The following NYAP2 variants were observed in gnomAD, a reference collection of about 807,000 sequenced individuals.
NYAP2 encodes the protein neuronal tyrosine-phosphorylated phosphoinositide-3-kinase adaptor 2, also known as neuronal tyrosine-phosphorylated phosphoinositide-3-kinase adapter 2.
A neutral mutation model predicts 50.4 loss-of-function variants in NYAP2; 23 were observed. The observed-to-expected ratio is 0.46, with a 90% CI of 0.33 to 0.65. The LOEUF (loss-of-function observed/expected upper bound fraction) is 0.65. Among genes scored for constraint, NYAP2 ranks in the 30% least tolerant of loss-of-function variants. The pLI, the probability that NYAP2 is intolerant of heterozygous loss-of-function variation, is 0.02. For synonymous variants in NYAP2, 394 were observed against 365.2 expected, an observed-to-expected ratio of 1.08 and a Z score of -0.90; for missense variants, 885 against 861.0, an observed-to-expected ratio of 1.03 and a Z score of -0.35.
At chr2:225,431,083 C>T (rs1695359193) in intron 3 of NYAP2, among the ~76,000 whole-genome samples, 1 of 152,184 alleles carries the variant, frequency 6.6e-6, no homozygotes, top group Non-Finnish European at 1.5e-5. Flanking sequence ...TTACATTAAA[C>T]ATGTTCAAAT....
intron 5 of NYAP2, among the ~76,000 whole-genome samples, chr2:225,625,659 T>C (rs1381378948): frequency 6.6e-6 from 1 of 152,032 alleles, no homozygotes; most frequent in Non-Finnish European, 1.5e-5. Flanking sequence ...AGGAAGAACC[T>C]ACAACCAATG....
exon 7 of NYAP2, chr2:225,651,531 G>A: frequency 6.2e-7 from 1 of 1,613,946 alleles, no homozygotes; most frequent in Non-Finnish European, 8.5e-7. Context: ...CTGCAACAGA[G>A]CCAGGTACCA....
At chr2:225,676,769 G>C in the NYAP2 span, among the ~76,000 whole-genome samples, 2 of 152,066 alleles carry the variant, frequency 1.3e-5, no homozygotes, top group Non-Finnish European at 2.9e-5. Context: ...TGGGGACACA[G>C]AGCCAAACTA....
chr2:225,678,199 C>T, the NYAP2 span, among the ~76,000 whole-genome samples: 1 of 152,010 alleles, frequency 6.6e-6, no homozygotes, highest in Non-Finnish European at 1.5e-5. Flanking sequence ...CTAACTTTTA[C>T]ACAGAGGTGC....
At chr2:225,605,808 A>G (rs1692775050) in intron 5 of NYAP2, among the ~76,000 whole-genome samples, 4 of 152,086 alleles carry the variant, frequency 2.6e-5, no homozygotes, top group Non-Finnish European at 5.9e-5. Flanking sequence ...ATTTACTTCT[A>G]CTTTTCTTTT....
chr2:225,436,845 T>C (rs1371729925), intron 3 of NYAP2, among the ~76,000 whole-genome samples: 1 of 151,842 alleles, frequency 6.6e-6, no homozygotes, highest in African/African-American at 2.4e-5. Context: ...TCCCACTGTC[T>C]CTGGCTTTGT....
intron 4 of NYAP2, among the ~76,000 whole-genome samples, chr2:225,572,573 G>T (rs778820301): frequency 6.6e-6 from 1 of 152,164 alleles, no homozygotes; most frequent in Non-Finnish European, 1.5e-5. Context: ...CTTCTCACCG[G>T]TTCCCTCCCA....
At chr2:225,650,194 T>C (rs909226493) in intron 6 of NYAP2, among the ~76,000 whole-genome samples, 7 of 152,096 alleles carry the variant, frequency 4.6e-5, no homozygotes, top group African/African-American at 1.7e-4. Flanking sequence ...TGGAAGGCAA[T>C]TGATGGAAAC....
chr2:225,550,135 G>C (rs145015490), intron 4 of NYAP2, among the ~76,000 whole-genome samples: 1 of 152,120 alleles, frequency 6.6e-6, no homozygotes, highest in Admixed American at 6.6e-5. Context: ...AAAACACAAA[G>C]TATTTTAAAA....
chr2:225,502,015 A>G (rs1690616794), intron 3 of NYAP2, among the ~76,000 whole-genome samples: 2 of 152,208 alleles, frequency 1.3e-5, no homozygotes. Flanking sequence ...CATGTTGTAG[A>G]TGAGAACTGG....
At chr2:225,564,488 T>G (rs892315908) in intron 4 of NYAP2, among the ~76,000 whole-genome samples, 1 of 151,888 alleles carries the variant, frequency 6.6e-6, no homozygotes, top group African/African-American at 2.4e-5. Context: ...ACCATTTTCC[T>G]CATCTGAATA....
intron 3 of NYAP2, among the ~76,000 whole-genome samples, chr2:225,459,032 G>T (rs1689782676): frequency 6.6e-6 from 1 of 152,098 alleles, no homozygotes; most frequent in Non-Finnish European, 1.5e-5. Flanking sequence ...AACAAAAGAT[G>T]CATATTCACC....
intron 6 of NYAP2, among the ~76,000 whole-genome samples, chr2:225,629,907 G>A (rs550330401): frequency 3.2e-4 from 48 of 152,274 alleles, no homozygotes; most frequent in African/African-American, 7.7e-4. Flanking sequence ...ATGAGTTTTC[G>A]TGAGAACAAG....
chr2:225,479,947 G>T (rs548418057), intron 3 of NYAP2, among the ~76,000 whole-genome samples: 1 of 151,900 alleles, frequency 6.6e-6, no homozygotes, highest in South Asian at 2.1e-4. Context: ...AATCCCAAAG[G>T]TGAATATATA....
rs964092040 is a variant in NYAP2 at position 225,651,676 on chromosome 2, G to C, written c.*111G>C. The stretch of plus-strand genomic sequence containing the variant: ...TATGTGTGTATGGGTTAGGGGATGC[G>C]GGGGATGAGTTCTGGCAGTCTGTGT... On this transcript the variant is annotated 3_prime_UTR_variant, in exon 7 of 7. Transcript: ENST00000636099. 3 of 1,116,542 alleles carry C rather than the reference G, an allele frequency of 2.7e-6. No homozygotes were observed. The African/African-American group carries it at 4.7e-5, about 18-fold the overall frequency. The allele number at this position is 1,116,542 out of a possible 1,614,324, so 69.2% of individuals were successfully genotyped here.
chr2:225,625,034 A>G (rs373689193), intron 5 of NYAP2, among the ~76,000 whole-genome samples: 114 of 104,614 alleles, frequency 1.1e-3, no homozygotes, highest in African/African-American at 4.1e-3. Flanking sequence ...AAGGATTTTA[A>G]CCCAAGCGTA....
intron 3 of NYAP2, among the ~76,000 whole-genome samples, chr2:225,473,681 T>C (rs1039785998): frequency 1.3e-5 from 2 of 152,220 alleles, no homozygotes; most frequent in Admixed American, 6.5e-5. Context: ...GTAAATTTGT[T>C]TGAGTTCTTT....
rs555188436 is a variant in NYAP2 at position 225,424,466 on chromosome 2, A to AT, written c.221+15373dup. On this transcript the variant is annotated intron_variant, in intron 3 of 6. Transcript: ENST00000636099. ...TCATAAATTAACATAGAAATTTTAA[A>AT]TTTTTTTTAATATTGGCTTTTGAGA... is the stretch of plus-strand genomic sequence containing the variant. Among the ~76,000 whole-genome samples the AT allele has an allele frequency of 3.3e-3, 503 of 151,962 alleles. 1 individual carries two copies. The highest frequency in any genetic ancestry group is 0.011 in the African/African-American group (468 of 41,480).
chr2:225,459,187 T>C (rs1298971779), intron 3 of NYAP2, among the ~76,000 whole-genome samples: 1 of 152,258 alleles, frequency 6.6e-6, no homozygotes, highest in Non-Finnish European at 1.5e-5. Context: ...TTTTAAATTA[T>C]GTTTACTTTT....
Sources: allele counts gnomAD v4.1 joint callset (sites outside exome capture counted in the v4.1 genomes callset), GRCh38; gene constraint gnomAD v4.1.1; transcripts MANE v1.5; gene names NCBI Gene and HGNC (gene_info 2026-07-23, HGNC 2026-07-21).